Variants in CSNK2A1 observed in about 807,000 individuals in gnomAD.
CSNK2A1 encodes the protein casein kinase 2 alpha 1.
Under a neutral mutation model 62.9 loss-of-function variants are expected in CSNK2A1, and 10 were observed. The ratio of observed to expected loss-of-function variants is 0.16; its 90% CI spans 0.10 to 0.27. CSNK2A1 has a LOEUF of 0.27. CSNK2A1 is among the 10% of genes least tolerant of loss of function. The pLI is 1.00. For missense variants in CSNK2A1, 160 were observed against 492.0 expected (o/e 0.33, Z 6.38); for synonymous variants, 124 against 167.8 (o/e 0.74, Z 2.02).
intron 1 of CSNK2A1, among the ~76,000 whole-genome samples, chr20:531,856 T>C (rs958895964): frequency 2.6e-5 from 4 of 152,202 alleles, no homozygotes; most frequent in Non-Finnish European, 5.9e-5. Flanking sequence ...TCAGAGTTAG[T>C]CAGGTAGAGA....
intron 2 of CSNK2A1, among the ~76,000 whole-genome samples, chr20:525,332 C>T (rs1439806042): frequency 2.0e-5 from 3 of 151,214 alleles, no homozygotes; most frequent in South Asian, 2.1e-4. Flanking sequence ...GGCAACATGG[C>T]GAGACCTCGC....
intron 2 of CSNK2A1, chr20:510,118 A>G (rs1027513863): frequency 2.0e-5 from 3 of 152,308 alleles, no homozygotes; most frequent in Non-Finnish European, 4.4e-5. Context: ...TATTGTATCA[A>G]TGTAAATTTG....
At chr20:540,730 C>G (rs2122140285) in intron 1 of CSNK2A1, 1 of 152,224 alleles carries the variant, frequency 6.6e-6, no homozygotes, top group South Asian at 2.1e-4. Context: ...TAATAGTACC[C>G]CACTCCTGGT....
At chr20:540,587 T>G (rs1312809751) in intron 1 of CSNK2A1, among the ~76,000 whole-genome samples, 2 of 152,146 alleles carry the variant, frequency 1.3e-5, no homozygotes, top group East Asian at 3.8e-4. Context: ...CAGGCTGGAG[T>G]GCAGTGGTGC....
rs955133806 is a variant in CSNK2A1, at chr20:476,967, T to C, written c.*6994A>G. 2 of 152,636 alleles carry C rather than the reference T, an allele frequency of 1.3e-5. No individual in the cohort carries two copies. Among genetic ancestry groups the C allele is most frequent in the Non-Finnish European group, 2.9e-5 (2 of 68,438 alleles). 9.5% of individuals were successfully genotyped at this position (152,636 alleles called of 1,614,324 possible). On this transcript the variant is annotated 3_prime_UTR_variant, in exon 14 of 14. Transcript: ENST00000217244. ...GTGCAGTGGCACTATCATAGCTCACTGCAGCCTTGAACCCCTGGGCTCAAG... is the reference window on the plus strand; with the variant it reads ...GTGCAGTGGCACTATCATAGCTCACCGCAGCCTTGAACCCCTGGGCTCAAG...
chr20:481,320 T>A lies in CSNK2A1; in HGVS notation c.*2641A>T, dbSNP rs988049523. The A allele has an allele frequency of 1.3e-5, 2 of 152,116 alleles. No individual in the cohort carries two copies. The highest frequency in any genetic ancestry group is 4.8e-5 in the African/African-American group (2 of 41,422). 9.4% of individuals were successfully genotyped at this position (152,116 alleles called of 1,614,324 possible). The stretch of plus-strand genomic sequence containing the variant: ...AAGTTTAAAAATACTTTAAAAAATC[T>A]TTCAGAGTAATTGCCAACATAACCT... On this transcript the variant is annotated 3_prime_UTR_variant, in exon 14 of 14. Transcript: ENST00000217244.
At chr20:492,705 T>C (rs1225318269) in intron 8 of CSNK2A1, 20 of 215,578 alleles carry the variant, frequency 9.3e-5, no homozygotes, top group Non-Finnish European at 5.6e-5. Context: ...GTCTGATCAT[T>C]GCCTTCAGCC....
In CSNK2A1 at chr20:527,956, T is replaced by C. The variant is rs1294684200; in HGVS notation, c.-133A>G. 1 of 152,202 alleles carries C rather than the reference T, an allele frequency of 6.6e-6. No individual in the cohort carries two copies. Among genetic ancestry groups the C allele is most frequent in the Non-Finnish European group, 1.5e-5 (1 of 68,032 alleles). The allele number at this position is 152,202 out of a possible 1,614,324, so 9.4% of individuals were successfully genotyped here. A position where few individuals can be genotyped will look rare whatever the true frequency, so the allele number is the denominator to read the frequency against. Reference sequence around the variant, plus strand: ...ACCAAAGAGATGTGAAACTAGTCAGTATGGGTGAATGATGTTTCTTGGAGA... The same window carrying C: ...ACCAAAGAGATGTGAAACTAGTCAGCATGGGTGAATGATGTTTCTTGGAGA... On this transcript the variant is annotated 5_prime_UTR_variant, in exon 2 of 14. It adds an upstream start codon to the 5' untranslated region. Coordinates refer to ENST00000217244, the MANE Select transcript of CSNK2A1 (RefSeq NM_177559.3).
At chr20:534,959 G>C (rs148706270) in intron 1 of CSNK2A1, among the ~76,000 whole-genome samples, 3 of 145,202 alleles carry the variant, frequency 2.1e-5, no homozygotes, top group Non-Finnish European at 4.5e-5. Flanking sequence ...GCTTGAACCC[G>C]GGAGGTGGAG....
rs895118500 is a variant in CSNK2A1 at position 508,650 on chromosome 20, T to C, written c.-99A>G. Reference sequence around the variant, plus strand: ...GGGGTAAGACCTTGTTTCAGACCTGTTTTCTTCAAACTGCAGAAACAAAAT... The same window carrying C: ...GGGGTAAGACCTTGTTTCAGACCTGCTTTCTTCAAACTGCAGAAACAAAAT... On this transcript the variant is annotated 5_prime_UTR_variant, in exon 3 of 14. Coordinates refer to ENST00000217244, the MANE Select transcript of CSNK2A1 (RefSeq NM_177559.3). 4 of 1,158,000 alleles carry C rather than the reference T, an allele frequency of 3.5e-6. No individual in the cohort carries two copies. The highest frequency in any genetic ancestry group is 4.9e-6 in the Non-Finnish European group (4 of 810,138). The allele number at this position is 1,158,000 out of a possible 1,614,324, so 71.7% of individuals were successfully genotyped here.
At chr20:520,876 T>C (rs959690585) in intron 2 of CSNK2A1, among the ~76,000 whole-genome samples, 1 of 152,218 alleles carries the variant, frequency 6.6e-6, no homozygotes, top group African/African-American at 2.4e-5. Flanking sequence ...ATAAAGATAA[T>C]TCATAATGAA....
chr20:526,995 GACAGAC>G (rs377246225), intron 2 of CSNK2A1: 37 of 95,988 alleles, frequency 3.9e-4, no homozygotes, highest in Non-Finnish European at 6.5e-4. Context: ...AAGAGAGAGA[GACAGAC>G]AGAGAGAGAG....
rs1271866682 is a variant in CSNK2A1 at position 480,489 on chromosome 20, A to G, written c.*3472T>C. The G allele has an allele frequency of 6.6e-6, 1 of 152,162 alleles. No homozygotes were observed. Among genetic ancestry groups the G allele is most frequent in the Non-Finnish European group, 1.5e-5 (1 of 68,026 alleles). The allele number at this position is 152,162 out of a possible 1,614,324, so 9.4% of individuals were successfully genotyped here. On this transcript the variant is annotated 3_prime_UTR_variant, in exon 14 of 14. Coordinates refer to ENST00000217244, the MANE Select transcript of CSNK2A1 (RefSeq NM_177559.3). ...CATGCAAGGTCACCAGGGAGTTTACATGCAAGTGGGGAGATACAAAATAAT... is the reference window on the plus strand; with the variant it reads ...CATGCAAGGTCACCAGGGAGTTTACGTGCAAGTGGGGAGATACAAAATAAT...
intron 13 of CSNK2A1, among the ~76,000 whole-genome samples, chr20:485,379 C>T (rs34601532): frequency 2.7e-3 from 404 of 152,022 alleles, no homozygotes; most frequent in Non-Finnish European, 4.9e-3. Flanking sequence ...GACAGGGTTT[C>T]GCCATGCTGG....
At chr20:522,135 T>C (rs772988503) in intron 2 of CSNK2A1, among the ~76,000 whole-genome samples, 6 of 152,174 alleles carry the variant, frequency 3.9e-5, no homozygotes, top group Non-Finnish European at 8.8e-5. Flanking sequence ...GAACTGCACA[T>C]GTGAGGAATC....
intron 10 of CSNK2A1, chr20:489,476 T>G (rs2018170237): frequency 2.5e-6 from 1 of 392,352 alleles, no homozygotes; most frequent in African/African-American, 2.1e-5. Flanking sequence ...ACATATGGGC[T>G]CACATATTGG....
intron 1 of CSNK2A1, among the ~76,000 whole-genome samples, chr20:529,113 TC>T (rs2019157572): frequency 6.6e-6 from 1 of 151,972 alleles, no homozygotes; most frequent in Non-Finnish European, 1.5e-5. Flanking sequence ...CAACCGTAGC[TC>T]ACTGTAGCAG....
rs1027291901 is a variant in CSNK2A1 at position 480,192 on chromosome 20, G to A, written c.*3769C>T. The A allele has an allele frequency of 2.0e-5, 3 of 151,956 alleles. No individual in the cohort carries two copies. Among genetic ancestry groups the A allele is most frequent in the Admixed American group, 1.3e-4 (2 of 15,248 alleles). The allele number at this position is 151,956 out of a possible 1,614,324, so 9.4% of individuals were successfully genotyped here. On this transcript the variant is annotated 3_prime_UTR_variant, in exon 14 of 14. Coordinates refer to ENST00000217244, the MANE Select transcript of CSNK2A1 (RefSeq NM_177559.3). ...TGCAAACTCAAGGGCAAAGTTCTTA[G>A]GATTTTGAGATGCTCTTTATGCAAC... is the stretch of plus-strand genomic sequence containing the variant.
intron 1 of CSNK2A1, among the ~76,000 whole-genome samples, chr20:542,800 A>G (rs1261517129): frequency 6.6e-6 from 1 of 152,222 alleles, no homozygotes; most frequent in African/African-American, 2.4e-5. Context: ...AAAGTAATCA[A>G]GTCTTCCCAA....
Sources: allele counts gnomAD v4.1 joint callset (sites outside exome capture counted in the v4.1 genomes callset), GRCh38; gene constraint gnomAD v4.1.1; transcripts MANE v1.5; gene names NCBI Gene and HGNC (gene_info 2026-07-23, HGNC 2026-07-21).